The following ERCC4 variants were observed in gnomAD, a reference collection of about 807,000 sequenced individuals.
ERCC4 encodes DNA repair endonuclease XPF.
ERCC4 carries 65 observed loss-of-function variants against 76.9 expected under a neutral mutation model. The ratio of observed to expected loss-of-function variants is 0.84; its 90% CI spans 0.69 to 1.04. The LOEUF (loss-of-function observed/expected upper bound fraction) is 1.04, where lower values mean the gene tolerates loss of function less well. Among genes scored for constraint, ERCC4 ranks in the 50% least tolerant of loss-of-function variants. ERCC4 has a pLI of 0.00. For missense variants in ERCC4, 1,214 were observed against 1,128.2 expected, an observed-to-expected ratio of 1.08 and a Z score of -1.09; for synonymous variants, 463 against 410.1, an observed-to-expected ratio of 1.13 and a Z score of -1.56.
Position 13,948,012 on chromosome 16 carries a change from C to T in ERCC4, c.2416C>T (p.Pro806Ser). Residue 806 changes from proline (P) to serine (S), a missense_variant, in exon 11 of 11, where the codon CCT becomes TCT. Physicochemically the swap from Pro to Ser is moderately conservative, Grantham distance 74. Transcript: ENST00000311895. ...PRLRILWCPS[P>S]HATAELFEEL... ...ACTACGGATTCTCTGGTGCCCCTCT[C>T]CTCATGCAACGGCGGAGTTGTTTGA... 6.2e-7 allele frequency: 1 copy of T among 1,614,196 alleles called. No homozygotes were observed. Among genetic ancestry groups the T allele is most frequent in the Non-Finnish European group, 8.5e-7 (1 of 1,180,034 alleles).
intron 4 of ERCC4, among the ~76,000 whole-genome samples, chr16:13,929,254 A>G (rs2032127389): frequency 6.6e-6 from 1 of 152,214 alleles, no homozygotes; most frequent in African/African-American, 2.4e-5. Flanking sequence ...CTAAATATAG[A>G]TATCCCATGT....
chr16:13,946,016 C>T (rs983348202), intron 10 of ERCC4, among the ~76,000 whole-genome samples: 6 of 152,332 alleles, frequency 3.9e-5, no homozygotes, highest in Non-Finnish European at 8.8e-5. Flanking sequence ...GGCATGGCTG[C>T]ATTCCTCCTG....
In ERCC4 at chr16:13,947,648, A is replaced by G. The variant is rs1280222833; in HGVS notation, c.2052A>G (p.Ile684Met). ...GQEQNGTQQSIVVDMREFRSE... is the reference protein window; with the variant it reads ...GQEQNGTQQSMVVDMREFRSE... ...AACAGAATGGTACACAGCAAAGCAT[A>G]GTTGTGGATATGCGTGAATTTCGAA... Residue 684 changes from isoleucine (I) to methionine (M), a missense_variant, in exon 11 of 11, where the codon ATA (isoleucine) becomes ATG (methionine). Physicochemically the swap from Ile to Met is conservative, Grantham distance 10 (BLOSUM62 1). Transcript: ENST00000311895. 1.9e-6 allele frequency: 3 copies of G among 1,614,074 alleles called. No homozygotes were observed. Among genetic ancestry groups the G allele is most frequent in the Non-Finnish European group, 2.5e-6 (3 of 1,180,040 alleles).
At position 13,926,764 on chromosome 16, in the gene ERCC4, A is replaced by ACATT; in HGVS notation, c.584+9_584+12dup. 6.3e-7 allele frequency: 1 copy of ACATT among 1,591,552 alleles called. No individual in the cohort carries two copies. The highest frequency in any genetic ancestry group is 1.7e-4 in the Middle Eastern group (1 of 6,028). On this transcript the variant is annotated intron_variant, in intron 3 of 10. Transcript: ENST00000311895. ...ACTGTATCTGTGGCCAAGGTAAAGA[A>ACATT]CATTATGTGACAAATAATGATGACA...
chr16:13,948,855 C>T lies in ERCC4; in HGVS notation c.*508C>T, dbSNP rs956431002. ...GGTCTTTGCTGTTGTGTCTGCTGGA[C>T]GCTTGAACTGATGTTTGTGTAGGAA... On this transcript the variant is annotated 3_prime_UTR_variant, in exon 11 of 11. Coordinates refer to ENST00000311895, the MANE Select transcript of ERCC4 (RefSeq NM_005236.3). The T allele has an allele frequency of 6.0e-5, 14 of 232,484 alleles. No homozygotes were observed. Among genetic ancestry groups the T allele is most frequent in the Admixed American group, 5.6e-5 (1 of 17,748 alleles). The allele number at this position is 232,484 out of a possible 1,614,324, so 14.4% of individuals were successfully genotyped here. A position where few individuals can be genotyped will look rare whatever the true frequency, so the allele number is the denominator to read the frequency against.
chr16:13,938,662 G>A (rs1445501532), intron 9 of ERCC4, among the ~76,000 whole-genome samples: 3 of 152,206 alleles, frequency 2.0e-5, no homozygotes, highest in African/African-American at 4.8e-5. Flanking sequence ...TGGCCTGGAC[G>A]GAGTGGGCTG....
intron 4 of ERCC4, 35 bp downstream of exon 4, chr16:13,928,270 T>A: frequency 7.1e-7 from 1 of 1,403,824 alleles, no homozygotes; most frequent in Non-Finnish European, 1.0e-6. Flanking sequence ...GTTTATTATG[T>A]TGTAATTTTA....
rs149405208 is a variant in ERCC4 at position 13,938,052 on chromosome 16, C to T, written c.1904+194C>T. On this transcript the variant is annotated intron_variant, in intron 9 of 10. Coordinates refer to ENST00000311895, the MANE Select transcript of ERCC4 (RefSeq NM_005236.3). Reference sequence around the variant, plus strand: ...TACTTCCTTTTTCTCTTCCCCGTCTCTTCCTTCATCTCCAGTTGCTTTTCA... The same window carrying T: ...TACTTCCTTTTTCTCTTCCCCGTCTTTTCCTTCATCTCCAGTTGCTTTTCA... 2.7e-3 allele frequency among the ~76,000 whole-genome samples: 408 copies of T among 151,930 alleles called. 1 individual carries two copies. Among genetic ancestry groups the T allele is most frequent in the African/African-American group, 9.6e-3 (396 of 41,454 alleles).
intron 9 of ERCC4, among the ~76,000 whole-genome samples, chr16:13,938,454 T>G (rs1481692235): frequency 1.3e-5 from 2 of 152,206 alleles, no homozygotes; most frequent in African/African-American, 4.8e-5. Flanking sequence ...GGTGAGATGT[T>G]CACAAACTGG....
Position 13,935,434 on chromosome 16 carries a change from C to G in ERCC4, c.1502C>G (p.Pro501Arg). ...ACCTTAACTCAAATGGTAGGAAAAC[C>G]TGAAGAACTGGAAGAGGAAGGAGAT... The part of the protein sequence containing the change: ...KLTLTQMVGK[P>R]EELEEEGDVE... The change falls in exon 8 of 11, where the codon CCT (proline) becomes CGT (arginine). Residue 501 changes from proline to arginine, a missense_variant. Physicochemically the swap from Pro to Arg is moderately radical, Grantham distance 103. Transcript: ENST00000311895. The G allele has an allele frequency of 6.2e-7, 1 of 1,613,900 alleles. No individual in the cohort carries two copies. The highest frequency in any genetic ancestry group is 8.5e-7 in the Non-Finnish European group (1 of 1,179,980).
intron 2 of ERCC4, among the ~76,000 whole-genome samples, chr16:13,925,848 G>GA (rs1485949180): frequency 6.6e-6 from 1 of 152,108 alleles, no homozygotes; most frequent in East Asian, 1.9e-4. Flanking sequence ...CAATATATAT[G>GA]AAAGATCTGG....
intron 9 of ERCC4, among the ~76,000 whole-genome samples, chr16:13,942,181 T>A (rs1314015546): frequency 1.3e-5 from 2 of 152,268 alleles, no homozygotes. Flanking sequence ...TTTGTGTCTG[T>A]CACATAGGGG....
Position 13,922,129 on chromosome 16 carries a change from A to G in ERCC4, c.306A>G (p.Thr102=). ...ITSNSRYEVY[T]QGGVIFATSR... ...GCAACAGTCGCTATGAAGTTTACAC[A>G]CAAGGTGGTGTTATATTTGCGACAA... The change falls in exon 2 of 11, where the codon ACA becomes ACG. Residue 102 remains threonine, a synonymous_variant. Transcript: ENST00000311895. 1.2e-6 allele frequency: 2 copies of G among 1,613,616 alleles called. No individual in the cohort carries two copies. The highest frequency in any genetic ancestry group is 1.7e-6 in the Non-Finnish European group (2 of 1,179,484).
intron 3 of ERCC4, 69 bp downstream of exon 3, chr16:13,926,825 C>T: frequency 5.0e-6 from 6 of 1,196,416 alleles, no homozygotes; most frequent in Non-Finnish European, 7.5e-6. Flanking sequence ...TCTACTGTAA[C>T]TTAGTTGCAC....
intron 2 of ERCC4, among the ~76,000 whole-genome samples, chr16:13,925,160 A>G (rs2032049094): frequency 6.6e-6 from 1 of 152,200 alleles, no homozygotes; most frequent in South Asian, 2.1e-4. Flanking sequence ...ATGAAAATCT[A>G]TAGAAACACC....
intron 2 of ERCC4, among the ~76,000 whole-genome samples, chr16:13,925,428 T>TG (rs1163808131): frequency 3.9e-5 from 6 of 152,136 alleles, no homozygotes; most frequent in Non-Finnish European, 5.9e-5. Flanking sequence ...GTACGTGTAT[T>TG]GGGGGGGTTA....
chr16:13,951,084 A>G lies in ERCC4; in HGVS notation c.*2737A>G, dbSNP rs142073142. On this transcript the variant is annotated 3_prime_UTR_variant, in exon 11 of 11. Transcript: ENST00000311895. ...CGCTACCACTTCCTCTTCCAACTACATAAATATATTTCAATGTATTTCCAG... is the reference window on the plus strand; with the variant it reads ...CGCTACCACTTCCTCTTCCAACTACGTAAATATATTTCAATGTATTTCCAG... The G allele has an allele frequency of 7.9e-4, 147 of 186,696 alleles. No individual in the cohort carries two copies. The highest frequency in any genetic ancestry group is 3.1e-3 in the African/African-American group (132 of 42,904). The allele number at this position is 186,696 out of a possible 1,614,324, so 11.6% of individuals were successfully genotyped here.
intron 6 of ERCC4, chr16:13,933,624 C>G (rs1379550252): frequency 6.6e-6 from 1 of 152,528 alleles, no homozygotes; most frequent in Admixed American, 6.6e-5. Flanking sequence ...AGGAGACTTG[C>G]TTGAACCCAG....
intron 8 of ERCC4, among the ~76,000 whole-genome samples, 194 bp downstream of exon 8, chr16:13,935,937 C>G (rs1268974975): frequency 2.0e-5 from 3 of 152,170 alleles, no homozygotes. Context: ...GAACAACAAA[C>G]CAAGGGGACT....
Sources: allele counts gnomAD v4.1 joint callset (sites outside exome capture counted in the v4.1 genomes callset), GRCh38; gene constraint gnomAD v4.1.1; transcripts MANE v1.5; gene names NCBI Gene and HGNC (gene_info 2026-07-23, HGNC 2026-07-21).